Variants in ATP13A5 observed in about 807,000 individuals in gnomAD.
ATP13A5 encodes ATPase 13A5.
Under a neutral mutation model 150.2 loss-of-function variants are expected in ATP13A5, and 149 were observed. That is an observed-to-expected ratio of 0.99 (90% CI 0.87 to 1.14). The LOEUF (loss-of-function observed/expected upper bound fraction) is 1.14. Ranked by LOEUF, ATP13A5 falls within the 50% of genes most tolerant of loss-of-function variation. ATP13A5 has a pLI of 0.00. For missense variants in ATP13A5, 1,383 were observed against 1,449.3 expected, an observed-to-expected ratio of 0.95 and a Z score of 0.74; for synonymous variants, 497 against 522.2, an observed-to-expected ratio of 0.95 and a Z score of 0.66.
chr3:193,280,653 T>C (rs1165500424), intron 27 of ATP13A5, among the ~76,000 whole-genome samples: 1 of 152,218 alleles, frequency 6.6e-6, no homozygotes, highest in Non-Finnish European at 1.5e-5. Flanking sequence ...TCTGTTCTTA[T>C]TTCCAACCTC....
chr3:193,365,606 A>G (rs1024440902), intron 1 of ATP13A5, among the ~76,000 whole-genome samples: 8 of 152,236 alleles, frequency 5.3e-5, no homozygotes, highest in African/African-American at 1.9e-4. Flanking sequence ...ATATTATGTC[A>G]TAAATATACA....
intron 6 of ATP13A5, among the ~76,000 whole-genome samples, chr3:193,351,997 T>G (rs1394029659): frequency 6.6e-6 from 1 of 152,174 alleles, no homozygotes; most frequent in African/African-American, 2.4e-5. Context: ...ATGCAGAAAG[T>G]GAACTAAAGA....
chr3:193,305,734 A>G, intron 22 of ATP13A5, 66 bp from the exon 23 acceptor site: 1 of 1,341,886 alleles, frequency 7.5e-7, no homozygotes. Flanking sequence ...TAAAACACCA[A>G]GAGGCTGTTC....
At chr3:193,284,034 T>TA (rs397831593) in intron 27 of ATP13A5, among the ~76,000 whole-genome samples, 31 of 138,608 alleles carry the variant, frequency 2.2e-4, no homozygotes, top group Admixed American at 4.4e-4. Context: ...TTATTATTAT[T>TA]TTTTGAGACA....
rs2108885907 is a variant in ATP13A5, at chr3:193,345,050, A to G, written c.767T>C (p.Val256Ala). The G allele has an allele frequency of 6.2e-7, 1 of 1,613,772 alleles. No individual in the cohort carries two copies. The highest frequency in any genetic ancestry group is 1.7e-4 in the Middle Eastern group (1 of 6,058). ...RQQSVKLHNLVEDHNKVQVTI... is the reference protein window; with the variant it reads ...RQQSVKLHNLAEDHNKVQVTI... Reference sequence around the variant, plus strand: ...AACCTGGACTTTGTTGTGGTCCTCCACGAGGTTATGCAGCTTAACTGATTG... The same window carrying G: ...AACCTGGACTTTGTTGTGGTCCTCCGCGAGGTTATGCAGCTTAACTGATTG... Residue 256 changes from valine to alanine, a missense_variant, in exon 8 of 30, where the codon GTG becomes GCG. By Grantham distance (64) the Val-to-Ala change is moderately conservative (BLOSUM62 0). Transcript: ENST00000342358.
At chr3:193,336,699 G>A (rs1156664433) in intron 9 of ATP13A5, among the ~76,000 whole-genome samples, 4 of 151,914 alleles carry the variant, frequency 2.6e-5, no homozygotes, top group Non-Finnish European at 4.4e-5. Context: ...ATAAACATAC[G>A]TGTGCATGTG....
chr3:193,334,476 G>T (rs998158942), intron 10 of ATP13A5, among the ~76,000 whole-genome samples: 11 of 152,176 alleles, frequency 7.2e-5, no homozygotes, highest in Non-Finnish European at 1.5e-4. Flanking sequence ...ACAGGAGGAT[G>T]AATAGTTTCA....
intron 21 of ATP13A5, among the ~76,000 whole-genome samples, chr3:193,308,059 A>G (rs1718684978): frequency 6.6e-6 from 1 of 152,258 alleles, no homozygotes; most frequent in Non-Finnish European, 1.5e-5. Flanking sequence ...GCATTTTTCT[A>G]AAAACAGAGT....
At chr3:193,286,941 C>T (rs1283195798) in intron 26 of ATP13A5, among the ~76,000 whole-genome samples, 2 of 152,024 alleles carry the variant, frequency 1.3e-5, no homozygotes, top group Non-Finnish European at 2.9e-5. Flanking sequence ...AACACATGAA[C>T]AATAAGGAAG....
Position 193,345,084 on chromosome 3 carries a change from T to TAA in ATP13A5, c.742-11_742-10dup. The TAA allele has an allele frequency of 6.2e-7, 1 of 1,611,626 alleles. No individual in the cohort carries two copies. Among genetic ancestry groups the TAA allele is most frequent in the Non-Finnish European group, 8.5e-7 (1 of 1,177,840 alleles). ...TGCAGCTTAACTGATTGCTACCAAG[T>TAA]AAAAGTTAACATTTAAACATTAGAT... On this transcript the variant is annotated splice_polypyrimidine_tract_variant and intron_variant, in intron 7 of 29. Coordinates refer to ENST00000342358, the MANE Select transcript of ATP13A5 (RefSeq NM_198505.4).
At chr3:193,321,992 C>A (rs1719298566) in intron 15 of ATP13A5, among the ~76,000 whole-genome samples, 155 bp from the exon 16 acceptor site, 1 of 152,100 alleles carries the variant, frequency 6.6e-6, no homozygotes, top group African/African-American at 2.4e-5. Flanking sequence ...TGTGTGGCTG[C>A]CTTAAAGTGA....
intron 9 of ATP13A5, among the ~76,000 whole-genome samples, chr3:193,339,611 G>A (rs1258357118): frequency 6.6e-6 from 1 of 152,156 alleles, no homozygotes; most frequent in Admixed American, 6.6e-5. Flanking sequence ...TTTTAGGCAA[G>A]TGTTGTTCCC....
chr3:193,366,488 G>A (rs1352630), intron 1 of ATP13A5, among the ~76,000 whole-genome samples: 143,911 of 152,070 alleles, frequency 0.95, 68,111 homozygotes, highest in Middle Eastern at 0.98. Context: ...GATAGTTAAG[G>A]AAAAAATACT....
At chr3:193,299,247 C>G in intron 24 of ATP13A5, 44 bp from the exon 25 acceptor site, 1 of 1,465,982 alleles carries the variant, frequency 6.8e-7, no homozygotes, top group Non-Finnish European at 9.5e-7. Flanking sequence ...CATCTGCCAT[C>G]ATAGCCTATT....
rs900131305 is a variant in ATP13A5 at position 193,307,332 on chromosome 3, A to G, written c.2563T>C (p.Cys855Arg). 2 of 1,613,804 alleles carry G rather than the reference A, an allele frequency of 1.2e-6. No individual in the cohort carries two copies. The highest frequency in any genetic ancestry group is 2.7e-5 in the African/African-American group (2 of 74,914). ...VGMCGDGANDCGALKAAHAGI... is the reference protein window; with the variant it reads ...VGMCGDGANDRGALKAAHAGI... ...CAAAAGCCATTTCTACTCACCCCAC[A>G]GTCGTTAGCTCCATCTCCACACATG... is the stretch of plus-strand genomic sequence containing the variant. The change falls in exon 22 of 30, where the codon TGT becomes CGT. Residue 855 changes from cysteine (C) to arginine (R), a missense_variant. Transcript: ENST00000342358.
chr3:193,329,692 A>G (rs1186451736), intron 12 of ATP13A5, among the ~76,000 whole-genome samples: 1 of 152,162 alleles, frequency 6.6e-6, no homozygotes, highest in Non-Finnish European at 1.5e-5. Context: ...ACAAACAGAA[A>G]GAGAACTGAC....
chr3:193,305,480 G>T, intron 23 of ATP13A5, 79 bp downstream of exon 23: 1 of 1,127,056 alleles, frequency 8.9e-7, no homozygotes, highest in Non-Finnish European at 1.4e-6. Context: ...TATCACTTTA[G>T]CTTGTAGTTG....
intron 20 of ATP13A5, 110 bp downstream of exon 20, chr3:193,311,706 T>TGCC: frequency 7.6e-6 from 11 of 1,456,538 alleles, no homozygotes; most frequent in African/African-American, 2.8e-5. Context: ...GGGGTGTTTA[T>TGCC]TCTCTAACTG....
At chr3:193,297,802 C>A (rs1172620474) in intron 25 of ATP13A5, among the ~76,000 whole-genome samples, 3 of 152,054 alleles carry the variant, frequency 2.0e-5, no homozygotes, top group Non-Finnish European at 4.4e-5. Flanking sequence ...TAACTAATAT[C>A]ATGGAATTAA....
Sources: gnomAD v4.1 joint callset for allele counts (sites outside exome capture counted in the v4.1 genomes callset) on GRCh38, gnomAD v4.1.1 for gene constraint, MANE v1.5 for transcripts, NCBI Gene and HGNC (gene_info 2026-07-23, HGNC 2026-07-21) for gene names.